The following PRMT7 variants were observed in gnomAD, a reference collection of about 807,000 sequenced individuals.
PRMT7 encodes the protein protein arginine N-methyltransferase 7.
A neutral mutation model predicts 85.4 loss-of-function variants in PRMT7; 75 were observed. That is an observed-to-expected ratio of 0.88 (90% CI 0.73 to 1.06). The LOEUF is 1.06. PRMT7 is among the 50% of genes least tolerant of loss of function. The probability of loss-of-function intolerance (pLI) is 0.00; values close to 1 mark genes in which losing one functional copy is unlikely to be tolerated. For missense variants in PRMT7, 868 were observed against 915.2 expected, an observed-to-expected ratio of 0.95 and a Z score of 0.67; for synonymous variants, 397 against 359.5, an observed-to-expected ratio of 1.10 and a Z score of -1.18.
In PRMT7 at chr16:68,355,598, C is replaced by T. The variant is rs367633350; in HGVS notation, c.1651-125C>T. 1.2e-4 allele frequency: 125 copies of T among 1,046,490 alleles called. No individual in the cohort carries two copies. In the East Asian group the frequency reaches 2.2e-3, roughly 18 times the overall value. 64.8% of individuals were successfully genotyped at this position (1,046,490 alleles called of 1,614,324 possible). ...GGGCGCCGCTGGTCTGCTGGGCGCT[C>T]GGCATCTTTATGGGAGAACGCACAC... On this transcript the variant is annotated intron_variant, in intron 16 of 18. Coordinates refer to ENST00000441236, the MANE Select transcript of PRMT7 (RefSeq NM_019023.5).
At chr16:68,329,932 C>T (rs574987124) in intron 6 of PRMT7, among the ~76,000 whole-genome samples, 176 of 152,076 alleles carry the variant, frequency 1.2e-3, no homozygotes, top group Non-Finnish European at 2.2e-3. Flanking sequence ...CTCACTGTGT[C>T]ACCCAGGCTG....
chr16:68,334,517 G>C (rs2084371731), intron 6 of PRMT7, among the ~76,000 whole-genome samples: 5 of 152,132 alleles, frequency 3.3e-5, no homozygotes, highest in Admixed American at 2.0e-4. Flanking sequence ...TACTTTCCAA[G>C]GTTCTGCTCT....
In PRMT7 at chr16:68,345,530, T is replaced by C. The variant is rs574379670; in HGVS notation, c.928-145T>C. On this transcript the variant is annotated intron_variant, in intron 9 of 18. Coordinates refer to ENST00000441236, the MANE Select transcript of PRMT7 (RefSeq NM_019023.5). Reference sequence around the variant, plus strand: ...GCCACTGGCCTCTGAGTTTAGAGTTTATTTATCTCCTTGGCCACAATAGCC... The same window carrying C: ...GCCACTGGCCTCTGAGTTTAGAGTTCATTTATCTCCTTGGCCACAATAGCC... 10 of 1,231,672 alleles carry C rather than the reference T, an allele frequency of 8.1e-6. No homozygotes were observed. The African/African-American group carries it at 1.4e-4, about 17-fold the overall frequency. 76.3% of individuals were successfully genotyped at this position (1,231,672 alleles called of 1,614,324 possible).
rs58594681 is a variant in PRMT7, at chr16:68,319,590, T to TAA, written c.96-1821_96-1820dup. Among the ~76,000 whole-genome samples, 1,013 of 135,884 alleles carry TAA rather than the reference T, an allele frequency of 7.5e-3. 6 individuals carry two copies. Among genetic ancestry groups the TAA allele is most frequent in the East Asian group, 0.025 (116 of 4,644 alleles). 89.1% of individuals were successfully genotyped at this position (135,884 alleles called of 152,430 possible). ...CAGATATAAAACCTTGATGTGCCAT[T>TAA]AAAAAAAAAAAAAAAAGAACCCCCT... On this transcript the variant is annotated intron_variant, in intron 3 of 18. Transcript: ENST00000441236.
chr16:68,346,003 G>A, intron 10 of PRMT7, 142 bp from the exon 11 acceptor site: 1 of 1,380,520 alleles, frequency 7.2e-7, no homozygotes, highest in East Asian at 2.4e-5. Flanking sequence ...AATCTGTTTA[G>A]AGCAGATGCG....
intron 7 of PRMT7, among the ~76,000 whole-genome samples, chr16:68,337,864 C>T (rs982791810): frequency 1.3e-5 from 2 of 152,224 alleles, no homozygotes; most frequent in African/African-American, 4.8e-5. Flanking sequence ...GAGAAGTGAT[C>T]AGGTGTTGGC....
chr16:68,324,609 C>G (rs2082885937), intron 4 of PRMT7, 74 bp from the exon 5 acceptor site: 1 of 1,567,236 alleles, frequency 6.4e-7, no homozygotes, highest in Non-Finnish European at 8.8e-7. Flanking sequence ...CCAGCTGTGA[C>G]TCTAGAACTT....
chr16:68,345,534 T>TA (rs2086222881), intron 9 of PRMT7, 141 bp from the exon 10 acceptor site: 1 of 1,259,206 alleles, frequency 7.9e-7, no homozygotes, highest in Admixed American at 2.0e-5. Flanking sequence ...AGAGTTTATT[T>TA]ATCTCCTTGG....
chr16:68,339,298 G>T (rs1445815018), intron 7 of PRMT7, 24 bp from the exon 8 acceptor site: 1 of 1,610,980 alleles, frequency 6.2e-7, no homozygotes, highest in Non-Finnish European at 8.5e-7. Context: ...TTTTTGTTTG[G>T]TTTTGTTTTT....
In PRMT7 at chr16:68,352,321, T is replaced by C. The variant is rs2151902613; in HGVS notation, c.1487T>C (p.Val496Ala). The change falls in exon 15 of 19, where the codon GTG becomes GCG. Residue 496 changes from valine to alanine, a missense_variant. Transcript: ENST00000441236. ...TGGCACAACCTCTACTTCTGGTACG[T>C]GCGGACCGCTGTGGACCAGCACCTG... is the stretch of plus-strand genomic sequence containing the variant. ...LPWHNLYFWY[V>A]RTAVDQHLGP... 6.2e-6 allele frequency: 10 copies of C among 1,613,208 alleles called. No homozygotes were observed. The highest frequency in any genetic ancestry group is 8.5e-6 in the Non-Finnish European group (10 of 1,180,036).
intron 8 of PRMT7, 46 bp downstream of exon 8, chr16:68,339,609 G>T (rs1234640919): frequency 6.2e-7 from 1 of 1,606,944 alleles, no homozygotes; most frequent in African/African-American, 1.3e-5. Context: ...GACATTTGAT[G>T]GAAGTTGGGT....
At position 68,356,752 on chromosome 16, in the gene PRMT7, G is replaced by A. The variant is rs747496486; in HGVS notation, c.1863G>A (p.Pro621=). The A allele has an allele frequency of 8.7e-6, 14 of 1,611,308 alleles. No individual in the cohort carries two copies. Among genetic ancestry groups the A allele is most frequent in the Admixed American group, 6.7e-5 (4 of 59,980 alleles). Residue 621 remains proline, a synonymous_variant, in exon 18 of 19, where the codon CCG becomes CCA. Transcript: ENST00000441236. ...AVLWMEYHLT[P]ECTLSTGLLE... ...TATGGATGGAGTACCACCTGACCCC[G>A]GAGTGCACGCTCAGCACTGGCCTCC...
chr16:68,311,076 C>G lies in PRMT7; in HGVS notation c.-242C>G. ...GCGGTAAAAGTGGTAGCAGCGGAGG[C>G]GAGCGGAGGGTTTCCCGCGGCGGGT... On this transcript the variant is annotated 5_prime_UTR_variant, in exon 1 of 19. Transcript: ENST00000441236. 2 of 774,784 alleles carry G rather than the reference C, an allele frequency of 2.6e-6. No individual in the cohort carries two copies. The highest frequency in any genetic ancestry group is 2.7e-5 in the East Asian group (1 of 37,522). The allele number at this position is 774,784 out of a possible 1,614,324, so 48.0% of individuals were successfully genotyped here.
chr16:68,329,494 A>C, intron 6 of PRMT7: 1 of 203,590 alleles, frequency 4.9e-6, no homozygotes, highest in African/African-American at 2.3e-5. Context: ...CCTTGGATAA[A>C]CCTCATTGGC....
In PRMT7 at chr16:68,357,574, C is replaced by T. The variant is rs1259836815; in HGVS notation, c.*350C>T. 2.2e-5 allele frequency: 5 copies of T among 224,536 alleles called. No homozygotes were observed. Among genetic ancestry groups the T allele is most frequent in the Non-Finnish European group, 3.5e-5 (4 of 114,630 alleles). The allele number at this position is 224,536 out of a possible 1,614,324, so 13.9% of individuals were successfully genotyped here. ...TTGTGGGGCTGGCCGGTGGGGTTGT[C>T]CACGCCGCCCTTGGCGAGCAGTCCC... On this transcript the variant is annotated 3_prime_UTR_variant, in exon 19 of 19. Transcript: ENST00000441236.
chr16:68,339,418 G>C lies in PRMT7; in HGVS notation c.601G>C (p.Val201Leu). ...GTGGAACAAGCTATTTCCCATCCAC[G>C]TGCAGACCAGCCTCGGAGAGCAGGT... is the stretch of plus-strand genomic sequence containing the variant. The part of the protein sequence containing the change: ...WSWNKLFPIH[V>L]QTSLGEQVIV... Residue 201 changes from valine to leucine, a missense_variant, in exon 8 of 19, where the codon GTG becomes CTG. Val to Leu is a conservative substitution (Grantham distance 32). Transcript: ENST00000441236. The C allele has an allele frequency of 6.2e-7, 1 of 1,614,178 alleles. No homozygotes were observed. Among genetic ancestry groups the C allele is most frequent in the Non-Finnish European group, 8.5e-7 (1 of 1,180,032 alleles).
At chr16:68,313,523 C>G (rs988811762) in intron 2 of PRMT7, among the ~76,000 whole-genome samples, 4 of 152,184 alleles carry the variant, frequency 2.6e-5, no homozygotes, top group Non-Finnish European at 5.9e-5. Context: ...AATGCCTTCT[C>G]CGTCCACAAC....
At chr16:68,315,510 A>G (rs1326956663) in intron 2 of PRMT7, 1 of 177,404 alleles carries the variant, frequency 5.6e-6, no homozygotes, top group Non-Finnish European at 1.2e-5. Context: ...AGGGTTCAGC[A>G]TACGAAGGCA....
intron 9 of PRMT7, among the ~76,000 whole-genome samples, chr16:68,343,554 C>G (rs964451974): frequency 2.0e-5 from 3 of 152,166 alleles, no homozygotes; most frequent in South Asian, 4.1e-4. Context: ...GTCACCAGCT[C>G]CTCAACGTTA....
Sources: gnomAD v4.1 joint callset for allele counts (sites outside exome capture counted in the v4.1 genomes callset) on GRCh38, gnomAD v4.1.1 for gene constraint, MANE v1.5 for transcripts, NCBI Gene and HGNC (gene_info 2026-07-23, HGNC 2026-07-21) for gene names.